The following HIVEP3 variants were observed in gnomAD, a reference collection of about 807,000 sequenced individuals.
HIVEP3 encodes transcription factor HIVEP3.
HIVEP3 carries 49 observed loss-of-function variants against 152.8 expected under a neutral mutation model. The ratio of observed to expected loss-of-function variants is 0.32; its 90% CI spans 0.26 to 0.41. The LOEUF is 0.41. Ranked by LOEUF, HIVEP3 falls within the 10% of genes least tolerant of loss-of-function variation. HIVEP3 has a pLI of 1.00. For missense variants in HIVEP3, 2,790 were observed against 3,103.3 expected (o/e 0.90, Z 2.40); for synonymous variants, 1,269 against 1,289.0 (o/e 0.98, Z 0.33).
intron 1 of HIVEP3, among the ~76,000 whole-genome samples, chr1:42,012,113 C>T (rs1486068227): frequency 2.0e-5 from 3 of 152,194 alleles, no homozygotes; most frequent in Non-Finnish European, 4.4e-5. Context: ...CCTCTGGTTC[C>T]TCCCTGTCCC....
intron 1 of HIVEP3, among the ~76,000 whole-genome samples, chr1:41,929,315 C>T (rs1644983915): frequency 6.6e-6 from 1 of 152,104 alleles, no homozygotes; most frequent in African/African-American, 2.4e-5. Context: ...CCCAATATAT[C>T]CTTACTTATT....
At chr1:41,579,492 G>C (rs1264495697) in intron 4 of HIVEP3, among the ~76,000 whole-genome samples, 1 of 152,180 alleles carries the variant, frequency 6.6e-6, no homozygotes, top group Non-Finnish European at 1.5e-5. Flanking sequence ...TCATGGCAGA[G>C]CAGGATCACT....
chr1:42,000,313 C>A (rs1645419700), intron 1 of HIVEP3, among the ~76,000 whole-genome samples: 1 of 152,124 alleles, frequency 6.6e-6, no homozygotes, highest in East Asian at 1.9e-4. Flanking sequence ...GGAGAAGAAC[C>A]CCCAGGGGGC....
intron 1 of HIVEP3, among the ~76,000 whole-genome samples, chr1:41,866,890 T>C (rs7538225): frequency 0.28 from 43,356 of 152,214 alleles, 6,785 homozygotes; most frequent in East Asian, 0.55. Context: ...GCCCATGTCC[T>C]GACTTAAACC....
intron 1 of HIVEP3, among the ~76,000 whole-genome samples, chr1:41,830,508 A>T (rs1222421676): frequency 6.6e-6 from 1 of 152,194 alleles, no homozygotes; most frequent in Non-Finnish European, 1.5e-5. Flanking sequence ...GTCTGCTGAC[A>T]GCTCACACTT....
intron 5 of HIVEP3, among the ~76,000 whole-genome samples, chr1:41,561,321 CCAGAAAGGGTCACA>C (rs1315732346): frequency 2.6e-5 from 4 of 152,144 alleles, no homozygotes; most frequent in African/African-American, 9.7e-5. Context: ...AAACTGTGAC[CCAGAAAGGGTCACA>C]CAAAGTCTCC....
rs573077726 is a variant in HIVEP3 at position 41,625,307 on chromosome 1, A to T, written c.-522+3442T>A. Among the ~76,000 whole-genome samples the T allele has an allele frequency of 5.3e-5, 8 of 152,326 alleles. No individual in the cohort carries two copies. In the South Asian group the frequency reaches 1.7e-3, roughly 32 times the overall value. ...TGATGATCTAGGGCAGAGGTCAGCA[A>T]ACTTCTTCTGTAAAGGGCCAAATAG... On this transcript the variant is annotated intron_variant, in intron 3 of 8. Coordinates refer to ENST00000372583, the MANE Select transcript of HIVEP3 (RefSeq NM_024503.5).
intron 1 of HIVEP3, among the ~76,000 whole-genome samples, chr1:41,992,279 C>CT (rs776936019): frequency 2.0e-5 from 3 of 152,020 alleles, no homozygotes; most frequent in African/African-American, 7.3e-5. Flanking sequence ...TCTCCTTAAG[C>CT]GATAAGCAAC....
chr1:42,019,304 T>C (rs1009227292), intron 1 of HIVEP3, among the ~76,000 whole-genome samples: 7 of 152,056 alleles, frequency 4.6e-5, no homozygotes, highest in Non-Finnish European at 1.0e-4. Flanking sequence ...TTGAATGGCT[T>C]GTATAATATA....
intron 1 of HIVEP3, among the ~76,000 whole-genome samples, chr1:41,831,719 T>G (rs1296607101): frequency 6.6e-6 from 1 of 152,180 alleles, no homozygotes; most frequent in Non-Finnish European, 1.5e-5. Context: ...AATGAAAAAG[T>G]GAACACTGGT....
chr1:41,773,917 A>C (rs1459366864), intron 1 of HIVEP3, among the ~76,000 whole-genome samples: 1 of 152,270 alleles, frequency 6.6e-6, no homozygotes, highest in African/African-American at 2.4e-5. Flanking sequence ...AGTCTTTGTG[A>C]ATGAGATTTG....
chr1:41,803,027 T>C (rs998486332), intron 1 of HIVEP3, among the ~76,000 whole-genome samples: 1 of 152,182 alleles, frequency 6.6e-6, no homozygotes, highest in Non-Finnish European at 1.5e-5. Flanking sequence ...CTCTTTGGCA[T>C]TTGTACAGAA....
At chr1:41,812,029 C>A (rs1327500730) in intron 1 of HIVEP3, among the ~76,000 whole-genome samples, 1 of 152,138 alleles carries the variant, frequency 6.6e-6, no homozygotes, top group Non-Finnish European at 1.5e-5. Context: ...ACCATTTTTA[C>A]AATGGTATAA....
chr1:41,533,037 G>A lies in HIVEP3; in HGVS notation c.5208-8127C>T, dbSNP rs550134223. Among the ~76,000 whole-genome samples, 22 of 152,286 alleles carry A rather than the reference G, an allele frequency of 1.4e-4. No individual in the cohort carries two copies. The highest frequency in any genetic ancestry group is 5.1e-4 in the African/African-American group (21 of 41,564). ...AAGAGGAGAGGGTTTAGAGGAGGAG[G>A]GGCCCATGGCTGGACATCCCAGAGA... is the stretch of plus-strand genomic sequence containing the variant. On this transcript the variant is annotated intron_variant, in intron 5 of 8. Transcript: ENST00000372583. The surrounding 1 kb of genome is among the most constrained non-coding windows in gnomAD (Gnocchi z 4.3).
intron 1 of HIVEP3, among the ~76,000 whole-genome samples, chr1:41,813,958 T>C (rs941993367): frequency 7.9e-5 from 12 of 152,186 alleles, no homozygotes; most frequent in African/African-American, 2.9e-4. Flanking sequence ...GATGCCTTCC[T>C]GTAGTTACCC....
intron 1 of HIVEP3, among the ~76,000 whole-genome samples, chr1:41,767,843 C>T (rs113516359): frequency 0.021 from 3,214 of 152,328 alleles, 48 homozygotes; most frequent in Middle Eastern, 0.048. Context: ...CAGTTTCTTT[C>T]CACTGGATCG....
intron 1 of HIVEP3, among the ~76,000 whole-genome samples, chr1:41,888,267 T>C (rs1218516810): frequency 6.8e-6 from 1 of 146,468 alleles, no homozygotes; most frequent in African/African-American, 2.6e-5. Flanking sequence ...TTAGCCAGGA[T>C]GGTCTCAATC....
At chr1:41,630,029 T>A (rs773411379) in intron 2 of HIVEP3, among the ~76,000 whole-genome samples, 1 of 152,214 alleles carries the variant, frequency 6.6e-6, no homozygotes, top group Non-Finnish European at 1.5e-5. Context: ...TCAACCTACA[T>A]GCCCATGAGT....
chr1:41,695,938 A>G (rs1646267139), intron 2 of HIVEP3, among the ~76,000 whole-genome samples: 1 of 152,158 alleles, frequency 6.6e-6, no homozygotes, highest in Admixed American at 6.5e-5. Flanking sequence ...GCTTGGAGTG[A>G]GAGACCCACA....
Sources: allele counts gnomAD v4.1 joint callset (sites outside exome capture counted in the v4.1 genomes callset), GRCh38; gene constraint gnomAD v4.1.1; non-coding constraint Gnocchi (gnomAD v3.1); transcripts MANE v1.5; gene names NCBI Gene and HGNC (gene_info 2026-07-23, HGNC 2026-07-21).